Variants in SLC22A9 observed in about 807,000 individuals in gnomAD.
SLC22A9 encodes organic anion transporter 7.
In SLC22A9, 64 loss-of-function variants were observed where a neutral mutation model predicts 50.1. That is an observed-to-expected ratio of 1.28 (90% CI 1.04 to 1.57). SLC22A9 has a LOEUF of 1.57. Among genes scored for constraint, SLC22A9 ranks in the 40% most tolerant of loss-of-function variants. The pLI is 0.00. For missense variants in SLC22A9, 757 were observed against 676.1 expected (o/e 1.12, Z -1.33); for synonymous variants, 261 against 242.5 (o/e 1.08, Z -0.71).
rs1421166682 is a variant in SLC22A9 at position 63,406,663 on chromosome 11, A to G, written c.1240A>G (p.Met414Val). ...CCGTCGAGCAAGCCAGATGCTTCTC[A>G]TGTTCCTACTGGCAATCTGCCTTCT... ...MNRRASQMLL[M>V]FLLAICLLAI... Residue 414 changes from methionine to valine, a missense_variant, in exon 7 of 10, where the codon ATG (methionine) becomes GTG (valine). By Grantham distance (21) the Met-to-Val change is conservative. Coordinates refer to ENST00000279178, the MANE Select transcript of SLC22A9 (RefSeq NM_080866.3). 4 of 1,613,624 alleles carry G rather than the reference A, an allele frequency of 2.5e-6. No individual in the cohort carries two copies. The highest frequency in any genetic ancestry group is 1.6e-4 in the Middle Eastern group (1 of 6,074).
intron 6 of SLC22A9, among the ~76,000 whole-genome samples, chr11:63,395,144 C>A (rs1040632914): frequency 6.6e-6 from 1 of 151,886 alleles, no homozygotes; most frequent in African/African-American, 2.4e-5. Context: ...CCCTTCACTT[C>A]TTGTATCATT....
In SLC22A9 at chr11:63,371,161, A is replaced by G. The variant is rs746463538; in HGVS notation, c.429A>G (p.Ser143=). Residue 143 remains serine, a synonymous_variant, in exon 2 of 10, where the codon TCA becomes TCG. Coordinates refer to ENST00000279178, the MANE Select transcript of SLC22A9 (RefSeq NM_080866.3). ...GGGATCTGGTATGTGACTCTCAATC[A>G]CTGACTTCAGTGGCTAAATTTGTAT... ...TEWDLVCDSQ[S]LTSVAKFVFM... The G allele has an allele frequency of 6.2e-7, 1 of 1,613,290 alleles. No individual in the cohort carries two copies. The highest frequency in any genetic ancestry group is 8.5e-7 in the Non-Finnish European group (1 of 1,179,468).
chr11:63,374,140 T>C (rs1200121704), intron 4 of SLC22A9, 78 bp downstream of exon 4: 21 of 1,384,248 alleles, frequency 1.5e-5, no homozygotes, highest in Admixed American at 1.4e-4. Flanking sequence ...CCTGAATTTC[T>C]TTTTGTTCTT....
chr11:63,387,411 A>G lies in SLC22A9; in HGVS notation c.1073+5134A>G, dbSNP rs188836659. ...TATTGAAAAGACTGTCCTTTCCCCAATGCACATTCTTGACACCTTTCTCAA... is the reference window on the plus strand; with the variant it reads ...TATTGAAAAGACTGTCCTTTCCCCAGTGCACATTCTTGACACCTTTCTCAA... On this transcript the variant is annotated intron_variant, in intron 6 of 9. Transcript: ENST00000279178. 3.5e-4 allele frequency among the ~76,000 whole-genome samples: 53 copies of G among 152,112 alleles called. No individual in the cohort carries two copies. The East Asian group carries it at 9.3e-3, about 27-fold the overall frequency.
Position 63,373,932 on chromosome 11 carries a change from A to T in SLC22A9, c.700A>T (p.Ile234Phe). Residue 234 changes from isoleucine (I) to phenylalanine (F), a missense_variant, in exon 4 of 10, where the codon ATT (isoleucine) becomes TTT (phenylalanine). Transcript: ENST00000279178. ...WATHRFQAMG[I>F]TLGMCPSGIA... Reference sequence around the variant, plus strand: ...AACACACAGATTCCAGGCCATGGGAATTACATTGGGAATGTGCCCTTCTGG... The same window carrying T: ...AACACACAGATTCCAGGCCATGGGATTTACATTGGGAATGTGCCCTTCTGG... 1.9e-6 allele frequency: 3 copies of T among 1,613,680 alleles called. No individual in the cohort carries two copies. The highest frequency in any genetic ancestry group is 2.5e-6 in the Non-Finnish European group (3 of 1,179,770).
intron 6 of SLC22A9, among the ~76,000 whole-genome samples, chr11:63,396,194 C>T (rs192189814): frequency 2.6e-5 from 4 of 152,258 alleles, no homozygotes; most frequent in South Asian, 2.1e-4. Flanking sequence ...AGGCCAAATT[C>T]GCACTCTCTC....
chr11:63,379,464 T>C (rs1053386789), intron 5 of SLC22A9, among the ~76,000 whole-genome samples: 10 of 152,158 alleles, frequency 6.6e-5, no homozygotes, highest in African/African-American at 2.4e-4. Flanking sequence ...AAAGGTCTCA[T>C]GACAAAGACT....
At chr11:63,400,644 A>G (rs534588753) in intron 6 of SLC22A9, among the ~76,000 whole-genome samples, 12 of 152,154 alleles carry the variant, frequency 7.9e-5, no homozygotes, top group Non-Finnish European at 1.8e-4. Context: ...GGAGGTGGGA[A>G]TACTTCCAAA....
chr11:63,375,197 G>C (rs1247627665), intron 4 of SLC22A9, among the ~76,000 whole-genome samples: 4 of 152,150 alleles, frequency 2.6e-5, no homozygotes, highest in African/African-American at 9.7e-5. Context: ...AATATGTCCA[G>C]TTTATTCACA....
chr11:63,371,004 T>C, intron 1 of SLC22A9, 131 bp from the exon 2 acceptor site: 1 of 617,568 alleles, frequency 1.6e-6, no homozygotes, highest in East Asian at 2.9e-5. Context: ...GGTCAGGTAA[T>C]GCTGAGAAAG....
rs2014412776 is a variant in SLC22A9, at chr11:63,373,953, T to A, written c.721T>A (p.Ser241Thr). The change falls in exon 4 of 10, where the codon TCT (serine) becomes ACT (threonine). Residue 241 changes from serine to threonine, a missense_variant. Transcript: ENST00000279178. Reference protein sequence around the residue: ...AMGITLGMCPSGIAFMTLAGL... With the variant: ...AMGITLGMCPTGIAFMTLAGL... ...GGGAATTACATTGGGAATGTGCCCT[T>A]CTGGTATTGCATTTATGACCCTGGC... 1 of 1,613,568 alleles carries A rather than the reference T, an allele frequency of 6.2e-7. No homozygotes were observed. Among genetic ancestry groups the A allele is most frequent in the African/African-American group, 1.3e-5 (1 of 74,918 alleles).
Position 63,409,900 on chromosome 11 carries a change from T to A in SLC22A9, c.*38T>A, listed in dbSNP as rs2015110036. On this transcript the variant is annotated 3_prime_UTR_variant, in exon 10 of 10. Coordinates refer to ENST00000279178, the MANE Select transcript of SLC22A9 (RefSeq NM_080866.3). The stretch of plus-strand genomic sequence containing the variant: ...GCTGACTGCCGATCAATGAGCCAGA[T>A]GAAGGGAACAATCAGGACTATTCCT... 1.9e-6 allele frequency: 3 copies of A among 1,606,926 alleles called. No individual in the cohort carries two copies. The highest frequency in any genetic ancestry group is 1.7e-4 in the Middle Eastern group (1 of 6,056).
chr11:63,395,616 G>A (rs1204210445), intron 6 of SLC22A9, among the ~76,000 whole-genome samples: 1 of 152,162 alleles, frequency 6.6e-6, no homozygotes, highest in Non-Finnish European at 1.5e-5. Flanking sequence ...TTCTGGTGGA[G>A]GTGGCTAGTG....
chr11:63,371,852 T>G (rs2014365294), intron 2 of SLC22A9, among the ~76,000 whole-genome samples: 2 of 152,194 alleles, frequency 1.3e-5, no homozygotes, highest in Non-Finnish European at 2.9e-5. Context: ...TTCACCTTGC[T>G]GTATGTCTCC....
intron 6 of SLC22A9, among the ~76,000 whole-genome samples, chr11:63,398,593 T>C (rs768599474): frequency 6.6e-6 from 1 of 152,178 alleles, no homozygotes; most frequent in Non-Finnish European, 1.5e-5. Flanking sequence ...TGCTTTCCTC[T>C]GTGACAGGGC....
chr11:63,387,257 G>A (rs1332775922), intron 6 of SLC22A9, among the ~76,000 whole-genome samples: 1 of 151,896 alleles, frequency 6.6e-6, no homozygotes, highest in Non-Finnish European at 1.5e-5. Flanking sequence ...TTTTCTTGTA[G>A]CAGTTTCATA....
Position 63,373,752 on chromosome 11 carries a change from G to A in SLC22A9, c.615G>A (p.Leu205=), listed in dbSNP as rs770228810. The A allele has an allele frequency of 2.5e-6, 4 of 1,613,322 alleles. No homozygotes were observed. The highest frequency in any genetic ancestry group is 2.2e-5 in the East Asian group (1 of 44,870). The stretch of plus-strand genomic sequence containing the variant: ...TCATTTACTGCTCACTACGCTTCTT[G>A]TCTGGGATTGCTGCAATGAGCCTCA... ...TFLIYCSLRF[L]SGIAAMSLIT... The change falls in exon 3 of 10, where the codon TTG becomes TTA. Residue 205 remains leucine (L), a synonymous_variant. Coordinates refer to ENST00000279178, the MANE Select transcript of SLC22A9 (RefSeq NM_080866.3).
At chr11:63,406,751 C>A in intron 7 of SLC22A9, 40 bp downstream of exon 7, 2 of 1,589,158 alleles carry the variant, frequency 1.3e-6, no homozygotes, top group Non-Finnish European at 1.7e-6. Flanking sequence ...AATGCCTTTG[C>A]CTCTTTTCTC....
At chr11:63,381,222 G>T (rs1055881793) in intron 5 of SLC22A9, among the ~76,000 whole-genome samples, 6 of 151,976 alleles carry the variant, frequency 3.9e-5, no homozygotes, top group South Asian at 2.1e-4. Flanking sequence ...TATGGGTCTG[G>T]GAGTCCAGTA....
Sources: allele counts gnomAD v4.1 joint callset (sites outside exome capture counted in the v4.1 genomes callset), GRCh38; gene constraint gnomAD v4.1.1; transcripts MANE v1.5; gene names NCBI Gene and HGNC (gene_info 2026-07-23, HGNC 2026-07-21).